Variants in ASIC2 observed in about 807,000 individuals in gnomAD.
The protein encoded by ASIC2 is acid sensing ion channel subunit 2.
A neutral mutation model predicts 57.3 loss-of-function variants in ASIC2; 25 were observed. The ratio of observed to expected loss-of-function variants is 0.44; its 90% CI spans 0.32 to 0.61. The LOEUF (loss-of-function observed/expected upper bound fraction) is 0.61. ASIC2 is among the 20% of genes least tolerant of loss of function. The probability of loss-of-function intolerance (pLI) is 0.06; values close to 1 mark genes in which losing one functional copy is unlikely to be tolerated. For synonymous variants in ASIC2, 319 were observed against 307.5 expected (o/e 1.04, Z -0.39); for missense variants, 641 against 738.1 (o/e 0.87, Z 1.52).
chr17:33,659,871 CAA>C (rs1907196686), intron 1 of ASIC2, among the ~76,000 whole-genome samples: 79 of 133,288 alleles, frequency 5.9e-4, no homozygotes, highest in African/African-American at 2.1e-3. Context: ...GACTCTGTCT[CAA>C]ATAAATAAAT....
intron 1 of ASIC2, among the ~76,000 whole-genome samples, chr17:33,368,281 G>T (rs555675522): frequency 6.6e-5 from 10 of 152,220 alleles, no homozygotes; most frequent in Non-Finnish European, 1.3e-4. Context: ...CCCTAAAGCT[G>T]CCATGTTGGA....
intron 1 of ASIC2, among the ~76,000 whole-genome samples, chr17:34,114,916 CTG>C (rs1911383212): frequency 6.6e-6 from 1 of 152,156 alleles, no homozygotes; most frequent in Admixed American, 6.5e-5. Context: ...CCAGCTCTGA[CTG>C]TATAGCCCAG....
At chr17:33,542,066 A>G (rs1397173042) in intron 1 of ASIC2, among the ~76,000 whole-genome samples, 2 of 152,260 alleles carry the variant, frequency 1.3e-5, no homozygotes, top group African/African-American at 2.4e-5. Flanking sequence ...TCTGTTGTAT[A>G]CTTAAATACT....
intron 1 of ASIC2, among the ~76,000 whole-genome samples, chr17:33,233,437 GACACAATTCACATAC>G (rs1908180755): frequency 6.6e-6 from 1 of 151,326 alleles, no homozygotes; most frequent in South Asian, 2.1e-4. Context: ...TCTACTATCT[GACACAATTCACATAC>G]ACACGAACTC....
At chr17:33,929,775 C>T (rs1341898461) in intron 1 of ASIC2, among the ~76,000 whole-genome samples, 2 of 152,132 alleles carry the variant, frequency 1.3e-5, no homozygotes, top group African/African-American at 2.4e-5. Context: ...TCACCTTAGC[C>T]AAAATAGCCT....
At chr17:34,132,995 A>G (rs1281094476) in intron 1 of ASIC2, among the ~76,000 whole-genome samples, 2 of 152,138 alleles carry the variant, frequency 1.3e-5, no homozygotes, top group Non-Finnish European at 2.9e-5. Flanking sequence ...CCAATTTAAT[A>G]CCACATCTCC....
chr17:33,523,712 C>G (rs540947633), intron 1 of ASIC2, among the ~76,000 whole-genome samples: 6 of 152,138 alleles, frequency 3.9e-5, no homozygotes, highest in Non-Finnish European at 1.5e-5. Flanking sequence ...TAAATAATCT[C>G]GAAGACACCC....
chr17:33,202,746 T>G (rs773777555), intron 1 of ASIC2, among the ~76,000 whole-genome samples: 14 of 152,250 alleles, frequency 9.2e-5, no homozygotes, highest in Non-Finnish European at 1.8e-4. Context: ...TGCGGGTGTC[T>G]ACATGGCTCC....
intron 1 of ASIC2, chr17:33,931,221 T>G (rs1440229077): frequency 6.6e-6 from 1 of 152,170 alleles, no homozygotes; most frequent in Non-Finnish European, 1.5e-5. Context: ...TCCTGTCCCT[T>G]TTAAGGGCTT....
At chr17:33,911,057 G>T (rs929237700) in intron 1 of ASIC2, among the ~76,000 whole-genome samples, 2 of 152,220 alleles carry the variant, frequency 1.3e-5, no homozygotes, top group African/African-American at 4.8e-5. Flanking sequence ...CCCCCATTTA[G>T]GCTGGGCCCA....
intron 1 of ASIC2, among the ~76,000 whole-genome samples, chr17:33,341,169 C>A (rs9898831): frequency 0.2 from 29,974 of 152,054 alleles, 3,116 homozygotes; most frequent in East Asian, 0.37. Flanking sequence ...AACCGAGGAG[C>A]GCTTGTGAAA....
At chr17:34,033,460 A>T (rs958639191) in intron 1 of ASIC2, among the ~76,000 whole-genome samples, 3 of 152,188 alleles carry the variant, frequency 2.0e-5, no homozygotes, top group South Asian at 2.1e-4. Flanking sequence ...AAGAATTAGA[A>T]AAGCAAGAGC....
At chr17:33,393,586 A>C (rs1385214467) in intron 1 of ASIC2, among the ~76,000 whole-genome samples, 4 of 152,190 alleles carry the variant, frequency 2.6e-5, no homozygotes, top group African/African-American at 9.6e-5. Flanking sequence ...TGGGAAAGTT[A>C]TATAACTTCT....
chr17:34,021,140 G>A (rs1182933082), intron 1 of ASIC2, among the ~76,000 whole-genome samples: 1 of 152,018 alleles, frequency 6.6e-6, no homozygotes, highest in Non-Finnish European at 1.5e-5. Context: ...TGGGTACTGT[G>A]TACACTGCTT....
chr17:33,389,291 T>C (rs1399230735), intron 1 of ASIC2, among the ~76,000 whole-genome samples: 1 of 152,164 alleles, frequency 6.6e-6, no homozygotes, highest in Non-Finnish European at 1.5e-5. Flanking sequence ...CGCAAACAGA[T>C]GGCACAATGT....
chr17:33,098,048 T>C (rs2092191006), intron 2 of ASIC2, among the ~76,000 whole-genome samples: 1 of 152,184 alleles, frequency 6.6e-6, no homozygotes, highest in Non-Finnish European at 1.5e-5. Context: ...AATTGCCGGG[T>C]GACCTCAGGC....
chr17:33,357,848 C>T (rs1248121045), intron 1 of ASIC2, among the ~76,000 whole-genome samples: 1 of 152,158 alleles, frequency 6.6e-6, no homozygotes, highest in Non-Finnish European at 1.5e-5. Context: ...GCCTAACCTG[C>T]TCTAATTAAT....
intron 3 of ASIC2, among the ~76,000 whole-genome samples, chr17:33,043,976 A>C (rs1359990239): frequency 1.3e-5 from 2 of 152,250 alleles, no homozygotes; most frequent in African/African-American, 4.8e-5. Context: ...TAAAATAATA[A>C]GCTCATATCC....
chr17:33,956,600 G>A (rs911970259), intron 1 of ASIC2, among the ~76,000 whole-genome samples: 5 of 152,116 alleles, frequency 3.3e-5, no homozygotes, highest in African/African-American at 9.7e-5. Flanking sequence ...TAAAACTCAC[G>A]TCACCAGGGA....
Sources: gnomAD v4.1 joint callset for allele counts (sites outside exome capture counted in the v4.1 genomes callset) on GRCh38, gnomAD v4.1.1 for gene constraint, MANE v1.5 for transcripts, NCBI Gene and HGNC (gene_info 2026-07-23, HGNC 2026-07-21) for gene names.